NIPAL3: variants seen among roughly 807,000 people sequenced by gnomAD.
The protein encoded by NIPAL3 is NIPA like domain containing 3.
Under a neutral mutation model 47.2 loss-of-function variants are expected in NIPAL3, and 41 were observed. That is an observed-to-expected ratio of 0.87 (90% CI 0.68 to 1.13). NIPAL3 has a LOEUF of 1.13. Ranked by LOEUF, NIPAL3 falls within the 50% of genes most tolerant of loss-of-function variation. NIPAL3 has a pLI of 0.00. For synonymous variants in NIPAL3, 194 were observed against 209.6 expected, an observed-to-expected ratio of 0.93 and a Z score of 0.64; for missense variants, 449 against 530.1, an observed-to-expected ratio of 0.85 and a Z score of 1.50.
intron 7 of NIPAL3, among the ~76,000 whole-genome samples, chr1:24,455,668 A>AAAAAAATACAACAACAAC (rs1553141144): frequency 1.3e-5 from 2 of 152,174 alleles, no homozygotes; most frequent in African/African-American, 4.8e-5. Flanking sequence ...AAAAGGAAAA[A>AAAAAAATACAACAACAAC]AAAAAATACA....
chr1:24,426,154 G>A (rs990480141), intron 2 of NIPAL3, among the ~76,000 whole-genome samples: 2 of 152,170 alleles, frequency 1.3e-5, no homozygotes, highest in African/African-American at 2.4e-5. Flanking sequence ...GTTGGGGTGA[G>A]TAGCTTTGCC....
chr1:24,465,705 G>A, intron 11 of NIPAL3: 1 of 207,072 alleles, frequency 4.8e-6, no homozygotes, highest in African/African-American at 2.3e-5. Context: ...CCTTCCTGCT[G>A]TGTGACCTCC....
chr1:24,466,164 C>CTGAGAGTGCCAGGCT, intron 11 of NIPAL3: 1 of 1,442,142 alleles, frequency 6.9e-7, no homozygotes, highest in Non-Finnish European at 9.5e-7. Context: ...ACTAGCCTGG[C>CTGAGAGTGCCAGGCT]ACTCTCAGCC....
rs940085349 is a variant in NIPAL3, at chr1:24,471,980, C to T, written c.*2795C>T. ...TTAATAATTTGGGCATATATATGCT[C>T]CCAAACTTACTCTGCCCCCTTCCTT... is the stretch of plus-strand genomic sequence containing the variant. On this transcript the variant is annotated 3_prime_UTR_variant, in exon 12 of 12. Coordinates refer to ENST00000374399, the MANE Select transcript of NIPAL3 (RefSeq NM_020448.5). The T allele has an allele frequency of 1.3e-5, 2 of 150,686 alleles. No individual in the cohort carries two copies. The highest frequency in any genetic ancestry group is 2.9e-5 in the Non-Finnish European group (2 of 67,956). 9.3% of individuals were successfully genotyped at this position (150,686 alleles called of 1,614,324 possible). A position where few individuals can be genotyped will look rare whatever the true frequency, so the allele number is the denominator to read the frequency against.
At chr1:24,441,998 C>T (rs1259605848) in intron 3 of NIPAL3, 57 bp from the exon 4 acceptor site, 20 of 1,576,226 alleles carry the variant, frequency 1.3e-5, no homozygotes, top group East Asian at 6.7e-5. Flanking sequence ...GTACCTACAT[C>T]ATAGCATTTT....
intron 11 of NIPAL3, chr1:24,466,130 A>G: frequency 6.3e-7 from 1 of 1,581,872 alleles, no homozygotes; most frequent in Non-Finnish European, 8.6e-7. Context: ...AATGAGATCG[A>G]GAAACAGCCC....
At chr1:24,455,349 C>T (rs762996336) in intron 7 of NIPAL3, among the ~76,000 whole-genome samples, 19 of 152,208 alleles carry the variant, frequency 1.2e-4, no homozygotes, top group Non-Finnish European at 2.5e-4. Flanking sequence ...ATTAGAACTT[C>T]AATCATTTTT....
chr1:24,456,340 G>A, intron 8 of NIPAL3, 67 bp downstream of exon 8: 2 of 1,602,412 alleles, frequency 1.2e-6, no homozygotes, highest in Non-Finnish European at 1.7e-6. Context: ...GGGGCCTGAT[G>A]ACGTATGCTG....
intron 11 of NIPAL3, chr1:24,464,367 A>C: frequency 3.5e-6 from 1 of 289,102 alleles, no homozygotes. Context: ...ATTCTGATTC[A>C]TACTCAATAT....
chr1:24,429,844 C>T (rs1644798613), intron 2 of NIPAL3, among the ~76,000 whole-genome samples: 1 of 152,082 alleles, frequency 6.6e-6, no homozygotes, highest in African/African-American at 2.4e-5. Context: ...TGATGGCCTC[C>T]CAGTGAAAAT....
intron 2 of NIPAL3, among the ~76,000 whole-genome samples, chr1:24,434,150 T>G (rs1163384369): frequency 6.6e-6 from 1 of 152,186 alleles, no homozygotes; most frequent in Non-Finnish European, 1.5e-5. Context: ...AGGCAGAGAT[T>G]GGCAGAATAT....
At chr1:24,432,652 A>C (rs932618851) in intron 2 of NIPAL3, among the ~76,000 whole-genome samples, 9 of 152,224 alleles carry the variant, frequency 5.9e-5, no homozygotes, top group African/African-American at 2.2e-4. Context: ...CTTACTAGCT[A>C]TCTCTTATCC....
Position 24,415,858 on chromosome 1 carries a change from A to G in NIPAL3, c.-304A>G. Reference sequence around the variant, plus strand: ...CCGGGTTGCACGAAGAGTCCGAGTCATTTCTCAGAAGGTTTTGATAGGTGG... The same window carrying G: ...CCGGGTTGCACGAAGAGTCCGAGTCGTTTCTCAGAAGGTTTTGATAGGTGG... On this transcript the variant is annotated 5_prime_UTR_variant, in exon 1 of 12. Coordinates refer to ENST00000374399, the MANE Select transcript of NIPAL3 (RefSeq NM_020448.5). 1 of 985,498 alleles carries G rather than the reference A, an allele frequency of 1.0e-6. No homozygotes were observed. Among genetic ancestry groups the G allele is most frequent in the South Asian group, 4.7e-5 (1 of 21,292 alleles). 61.0% of individuals were successfully genotyped at this position (985,498 alleles called of 1,614,324 possible).
At chr1:24,432,797 A>G (rs1644934008) in intron 2 of NIPAL3, among the ~76,000 whole-genome samples, 1 of 152,222 alleles carries the variant, frequency 6.6e-6, no homozygotes, top group Non-Finnish European at 1.5e-5. Flanking sequence ...TGCTTGATAA[A>G]TGTTAGTTTA....
intron 2 of NIPAL3, among the ~76,000 whole-genome samples, chr1:24,425,945 C>T (rs1644567006): frequency 1.3e-5 from 2 of 152,206 alleles, no homozygotes; most frequent in Admixed American, 1.3e-4. Context: ...GCCACCCTTT[C>T]ATAGCCAATT....
rs1557543460 is a variant in NIPAL3 at position 24,469,152 on chromosome 1, C to T, written c.1188C>T (p.Pro396=). The change falls in exon 12 of 12, where the codon CCC becomes CCT. Residue 396 remains proline, a synonymous_variant. Coordinates refer to ENST00000374399, the MANE Select transcript of NIPAL3 (RefSeq NM_020448.5). ...GCTCCAGAAGTGCCTCTGGGGTCCC[C>T]TACCGAGTCCTAGAGCACACCAAGA... The part of the protein sequence containing the change: ...EHGSRSASGV[P]YRVLEHTKKE The T allele has an allele frequency of 6.2e-7, 1 of 1,613,994 alleles. No homozygotes were observed. The highest frequency in any genetic ancestry group is 2.2e-5 in the East Asian group (1 of 44,868).
intron 11 of NIPAL3, chr1:24,466,145 C>T: frequency 6.5e-7 from 1 of 1,544,062 alleles, no homozygotes; most frequent in Non-Finnish European, 8.8e-7. Flanking sequence ...CAGCCCCTGA[C>T]CTCCAGGAAC....
At chr1:24,460,993 A>C (rs1011052958) in intron 10 of NIPAL3, among the ~76,000 whole-genome samples, 1 of 152,266 alleles carries the variant, frequency 6.6e-6, no homozygotes, top group African/African-American at 2.4e-5. Context: ...TTTTTGATAC[A>C]GTATTCCATT....
chr1:24,442,868 A>G (rs748829801), intron 4 of NIPAL3, among the ~76,000 whole-genome samples: 4 of 152,218 alleles, frequency 2.6e-5, no homozygotes, highest in Non-Finnish European at 5.9e-5. Flanking sequence ...TACTTGGGAA[A>G]CAGAAGCAGG....
Sources: allele counts gnomAD v4.1 joint callset (sites outside exome capture counted in the v4.1 genomes callset), GRCh38; gene constraint gnomAD v4.1.1; transcripts MANE v1.5; gene names NCBI Gene and HGNC (gene_info 2026-07-23, HGNC 2026-07-21).